FAT3: variants seen among roughly 807,000 people sequenced by gnomAD.
The protein encoded by FAT3 is protocadherin Fat 3.
A neutral mutation model predicts 310.2 loss-of-function variants in FAT3; 95 were observed. The ratio of observed to expected loss-of-function variants is 0.31; its 90% CI spans 0.26 to 0.36. The LOEUF (loss-of-function observed/expected upper bound fraction) is 0.36. Ranked by LOEUF, FAT3 falls within the 10% of genes least tolerant of loss-of-function variation. The pLI, the probability that FAT3 is intolerant of heterozygous loss-of-function variation, is 1.00. For missense variants in FAT3, 5,408 were observed against 5,715.6 expected (o/e 0.95, Z 1.74); for synonymous variants, 2,314 against 2,192.9 (o/e 1.06, Z -1.54).
chr11:92,478,020 A>G (rs752777747), intron 2 of FAT3, among the ~76,000 whole-genome samples: 4 of 152,196 alleles, frequency 2.6e-5, no homozygotes, highest in African/African-American at 4.8e-5. Flanking sequence ...GAGGCATATT[A>G]CTTTCCTGAC....
chr11:92,353,264 C>T lies in FAT3; in HGVS notation c.1152C>T (p.Ser384=), dbSNP rs1457077557. The T allele has an allele frequency of 1.2e-6, 2 of 1,613,592 alleles. No individual in the cohort carries two copies. The highest frequency in any genetic ancestry group is 1.7e-6 in the Non-Finnish European group (2 of 1,179,832). ...TTGAAAAAGAAGTGTACGATGTGAG[C>T]ATAAGTGAATTTTCCCCTCCTGGTG... ...IRFEKEVYDV[S]ISEFSPPGVV... The change falls in exon 2 of 28, where the codon AGC becomes AGT. Residue 384 remains serine (S), a synonymous_variant. Transcript: ENST00000525166.
intron 2 of FAT3, among the ~76,000 whole-genome samples, chr11:92,476,722 A>G (rs1037103980): frequency 6.6e-6 from 1 of 152,196 alleles, no homozygotes; most frequent in Non-Finnish European, 1.5e-5. Context: ...AGAAATCAAC[A>G]TGGAGAGAAA....
chr11:92,275,590 G>T (rs1946249067), intron 1 of FAT3, among the ~76,000 whole-genome samples: 1 of 151,748 alleles, frequency 6.6e-6, no homozygotes, highest in Non-Finnish European at 1.5e-5. Context: ...GCCCTTCAAA[G>T]TCCACCTTGA....
Position 92,799,217 on chromosome 11 carries a change from G to T in FAT3, c.6204G>T (p.Val2068=). 3.1e-6 allele frequency: 5 copies of T among 1,613,924 alleles called. No individual in the cohort carries two copies. Among genetic ancestry groups the T allele is most frequent in the Non-Finnish European group, 3.4e-6 (4 of 1,179,850 alleles). ...TGGACCATCTGCGTGTGGCCAGAGTGGTGGTCAGGGTTAACATTGAAGACA... is the reference window on the plus strand; with the variant it reads ...TGGACCATCTGCGTGTGGCCAGAGTTGTGGTCAGGGTTAACATTGAAGACA... ...RELDHLRVAR[V]VVRVNIEDIN... The change falls in exon 10 of 28, where the codon GTG becomes GTT. Residue 2068 remains valine (V), a synonymous_variant. Transcript: ENST00000525166.
At chr11:92,836,374 C>T (rs1026124127) in intron 15 of FAT3, among the ~76,000 whole-genome samples, 192 bp from the exon 16 acceptor site, 1 of 152,134 alleles carries the variant, frequency 6.6e-6, no homozygotes, top group Non-Finnish European at 1.5e-5. Context: ...ATGGCAGCTG[C>T]GGGCCTGGTG....
rs137870546 is a variant in FAT3 at position 92,835,180 on chromosome 11, A to T, written c.10086+96A>T. 5.4e-5 allele frequency: 55 copies of T among 1,009,438 alleles called. 1 individual carries two copies. The highest frequency in any genetic ancestry group is 3.8e-4 in the South Asian group (22 of 57,840). 62.5% of individuals were successfully genotyped at this position (1,009,438 alleles called of 1,614,324 possible). ...GCAAAGTCCGTCTTGGGTTTTCTTC[A>T]CACTTCCCCCTTTCAGTGTCCATTT... On this transcript the variant is annotated intron_variant, in intron 15 of 27. Coordinates refer to ENST00000525166, the MANE Select transcript of FAT3 (RefSeq NM_001367949.2).
rs201389078 is a variant in FAT3, at chr11:92,890,482, C to G, written c.13148-9C>G. ...GAGGAAATTAACTGTCATGGTTTTTCTCTTGCAGCCTATCACTGGGACACC... is the reference window on the plus strand; with the variant it reads ...GAGGAAATTAACTGTCATGGTTTTTGTCTTGCAGCCTATCACTGGGACACC... On this transcript the variant is annotated splice_polypyrimidine_tract_variant and intron_variant, in intron 27 of 27. Transcript: ENST00000525166. The G allele has an allele frequency of 6.3e-5, 101 of 1,599,222 alleles. No homozygotes were observed. The highest frequency in any genetic ancestry group is 3.4e-5 in the Admixed American group (2 of 58,420).
rs765684504 is a variant in FAT3 at position 92,774,091 on chromosome 11, G to A, written c.4246G>A (p.Val1416Ile). The change falls in exon 7 of 28, where the codon GTC (valine) becomes ATC (isoleucine). Residue 1416 changes from valine to isoleucine, a missense_variant. This residue lies in a region of FAT3 where 4,588 missense variants were observed against 4,809.8 expected (regional missense o/e 0.95). Coordinates refer to ENST00000525166, the MANE Select transcript of FAT3 (RefSeq NM_001367949.2). ...TGCAGAGAAGGGTGTTGGGACAATTGTCATCGCAAAACCTTTGGATGCAGA... is the reference window on the plus strand; with the variant it reads ...TGCAGAGAAGGGTGTTGGGACAATTATCATCGCAAAACCTTTGGATGCAGA... ...FDAEKGVGTI[V>I]IAKPLDAEQR... The A allele has an allele frequency of 1.9e-6, 3 of 1,613,706 alleles. No individual in the cohort carries two copies. Among genetic ancestry groups the A allele is most frequent in the Non-Finnish European group, 2.5e-6 (3 of 1,179,708 alleles).
chr11:92,435,029 G>A (rs1165548017), intron 2 of FAT3, among the ~76,000 whole-genome samples: 1 of 152,112 alleles, frequency 6.6e-6, no homozygotes, highest in Non-Finnish European at 1.5e-5. Context: ...GGCAGGCTGG[G>A]CAGAAAAACC....
At chr11:92,464,593 G>T (rs924326087) in intron 2 of FAT3, among the ~76,000 whole-genome samples, 1 of 152,160 alleles carries the variant, frequency 6.6e-6, no homozygotes, top group African/African-American at 2.4e-5. Context: ...GGTCTGCATG[G>T]GAACAGCATA....
chr11:92,499,375 T>C (rs974257786), intron 2 of FAT3, among the ~76,000 whole-genome samples: 5 of 152,108 alleles, frequency 3.3e-5, no homozygotes, highest in African/African-American at 1.2e-4. Context: ...TTATATAAAG[T>C]GCAACTGCCA....
intron 2 of FAT3, among the ~76,000 whole-genome samples, chr11:92,464,467 C>T (rs1015739260): frequency 6.6e-6 from 1 of 152,178 alleles, no homozygotes; most frequent in Non-Finnish European, 1.5e-5. Context: ...TTTGGGGCTT[C>T]CCCAGACCCA....
intron 13 of FAT3, among the ~76,000 whole-genome samples, chr11:92,827,432 C>G (rs1948130246): frequency 6.6e-6 from 1 of 152,212 alleles, no homozygotes. Context: ...TAGACCTCAA[C>G]TGACCAGGGT....
chr11:92,681,258 T>A (rs1943472829), intron 3 of FAT3, among the ~76,000 whole-genome samples: 1 of 152,064 alleles, frequency 6.6e-6, no homozygotes, highest in Non-Finnish European at 1.5e-5. Flanking sequence ...CAGATAGGGA[T>A]GGATGAAAGT....
At chr11:92,761,405 A>G (rs1039059427) in intron 4 of FAT3, among the ~76,000 whole-genome samples, 1 of 152,222 alleles carries the variant, frequency 6.6e-6, no homozygotes, top group African/African-American at 2.4e-5. Flanking sequence ...AGGTTTTAAC[A>G]TATGAATTTT....
At chr11:92,706,935 G>A (rs1944373170) in intron 4 of FAT3, among the ~76,000 whole-genome samples, 1 of 152,208 alleles carries the variant, frequency 6.6e-6, no homozygotes, top group Non-Finnish European at 1.5e-5. Context: ...AGGAACGGAA[G>A]GGTGCTGTGG....
At chr11:92,399,648 T>A (rs1392678888) in intron 2 of FAT3, among the ~76,000 whole-genome samples, 1 of 152,186 alleles carries the variant, frequency 6.6e-6, no homozygotes, top group Non-Finnish European at 1.5e-5. Context: ...CTATTTTCCA[T>A]GACCCTTTAT....
chr11:92,626,048 A>C (rs778780146), intron 3 of FAT3, among the ~76,000 whole-genome samples: 2 of 152,196 alleles, frequency 1.3e-5, no homozygotes, highest in Non-Finnish European at 2.9e-5. Context: ...TGAACCAAAC[A>C]AATGACATCC....
chr11:92,864,555 C>A (rs1206680516), intron 21 of FAT3, among the ~76,000 whole-genome samples: 1 of 152,206 alleles, frequency 6.6e-6, no homozygotes, highest in Non-Finnish European at 1.5e-5. Context: ...CGGTGGCCCA[C>A]ACCTGTAATC....
Sources: allele counts gnomAD v4.1 joint callset (sites outside exome capture counted in the v4.1 genomes callset), GRCh38; gene constraint gnomAD v4.1.1; regional missense constraint gnomAD v4.1.1; transcripts MANE v1.5; gene names NCBI Gene and HGNC (gene_info 2026-07-23, HGNC 2026-07-21).